KDM4B: variants seen among roughly 807,000 people sequenced by gnomAD.
KDM4B encodes lysine-specific demethylase 4B.
A neutral mutation model predicts 125.2 loss-of-function variants in KDM4B; 32 were observed. The observed-to-expected ratio is 0.26, with a 90% CI of 0.19 to 0.34. The LOEUF (loss-of-function observed/expected upper bound fraction) is 0.34, where lower values mean the gene tolerates loss of function less well. KDM4B is among the 10% of genes least tolerant of loss of function. The pLI is 1.00. For missense variants in KDM4B, 1,190 were observed against 1,577.7 expected, an observed-to-expected ratio of 0.75 and a Z score of 4.16; for synonymous variants, 721 against 677.9, an observed-to-expected ratio of 1.06 and a Z score of -0.99.
intron 9 of KDM4B, among the ~76,000 whole-genome samples, chr19:5,083,470 G>C (rs544901728): frequency 6.6e-6 from 1 of 152,328 alleles, no homozygotes; most frequent in Admixed American, 6.5e-5. Context: ...CACAGGTCTA[G>C]CCCTTTCCTG....
intron 9 of KDM4B, among the ~76,000 whole-genome samples, chr19:5,102,060 G>A (rs2038946992): frequency 6.6e-6 from 1 of 152,108 alleles, no homozygotes; most frequent in South Asian, 2.1e-4. Context: ...CCTCCGTTTT[G>A]AGCACCCCCA....
intron 7 of KDM4B, 92 bp downstream of exon 7, chr19:5,071,151 C>A: frequency 8.0e-7 from 1 of 1,248,818 alleles, no homozygotes; most frequent in Non-Finnish European, 1.1e-6. Flanking sequence ...CCGGGCTCTG[C>A]TGCGGTCTGG....
At chr19:5,013,261 G>T (rs929622713) in intron 1 of KDM4B, among the ~76,000 whole-genome samples, 7 of 152,220 alleles carry the variant, frequency 4.6e-5, no homozygotes, top group Admixed American at 4.6e-4. Context: ...TGTACAAAGA[G>T]ACAGTTACTT....
At chr19:4,984,467 G>A (rs2034758051) in intron 1 of KDM4B, among the ~76,000 whole-genome samples, 1 of 152,120 alleles carries the variant, frequency 6.6e-6, no homozygotes, top group African/African-American at 2.4e-5. Flanking sequence ...TGGGTTGGCC[G>A]GGGTTTTATG....
intron 1 of KDM4B, among the ~76,000 whole-genome samples, chr19:4,987,010 G>A (rs1260489519): frequency 3.3e-5 from 5 of 151,700 alleles, no homozygotes; most frequent in Non-Finnish European, 7.4e-5. Flanking sequence ...AGGCTGGAGC[G>A]TAGTGGCACA....
At chr19:5,061,498 G>C (rs766947371) in intron 6 of KDM4B, among the ~76,000 whole-genome samples, 39 of 152,176 alleles carry the variant, frequency 2.6e-4, no homozygotes, top group Non-Finnish European at 5.3e-4. Context: ...GCCACATAAA[G>C]GAGCCCCTGT....
chr19:5,063,067 A>G (rs1275332049), intron 6 of KDM4B, among the ~76,000 whole-genome samples: 1 of 151,968 alleles, frequency 6.6e-6, no homozygotes, highest in African/African-American at 2.4e-5. Flanking sequence ...GTGTGCTGTG[A>G]TGATGGGCAG....
chr19:5,040,524 C>T (rs1206405084), intron 4 of KDM4B, among the ~76,000 whole-genome samples: 1 of 152,202 alleles, frequency 6.6e-6, no homozygotes, highest in Non-Finnish European at 1.5e-5. Flanking sequence ...TACACAGGCA[C>T]ATCCATGTGG....
rs986755093 is a variant in KDM4B, at chr19:5,059,586, C to T, written c.627-11424C>T. Reference sequence around the variant, plus strand: ...GAGACTTAGGTCATAGGAACAGGAGCGCGTAGCCTCATGGCCATCGGCCTG... The same window carrying T: ...GAGACTTAGGTCATAGGAACAGGAGTGCGTAGCCTCATGGCCATCGGCCTG... On this transcript the variant is annotated intron_variant, in intron 6 of 22. Transcript: ENST00000159111. Among the ~76,000 whole-genome samples the T allele has an allele frequency of 9.8e-5, 15 of 152,332 alleles. No individual in the cohort carries two copies. In the East Asian group the frequency reaches 2.3e-3, roughly 24 times the overall value.
intron 9 of KDM4B, among the ~76,000 whole-genome samples, chr19:5,094,134 GC>G (rs1376777327): frequency 2.0e-5 from 3 of 152,180 alleles, no homozygotes; most frequent in Non-Finnish European, 4.4e-5. Flanking sequence ...TGGTCACGCG[GC>G]CCCTCCTCCC....
intron 21 of KDM4B, among the ~76,000 whole-genome samples, chr19:5,150,011 T>C (rs1412982385): frequency 6.6e-6 from 1 of 152,152 alleles, no homozygotes; most frequent in Non-Finnish European, 1.5e-5. Context: ...AGTGACTCTG[T>C]CACCTTGTCC....
intron 1 of KDM4B, among the ~76,000 whole-genome samples, chr19:4,981,953 C>G (rs1012641452): frequency 6.6e-6 from 1 of 152,194 alleles, no homozygotes; most frequent in East Asian, 1.9e-4. Context: ...GAAGCCAACC[C>G]CACATGTAGC....
chr19:5,119,296 T>C, intron 10 of KDM4B: 1 of 1,018,870 alleles, frequency 9.8e-7, no homozygotes, highest in South Asian at 1.4e-5. Flanking sequence ...TCACACTCCC[T>C]GTGTCTCTGT....
intron 6 of KDM4B, among the ~76,000 whole-genome samples, chr19:5,053,197 C>T (rs187415191): frequency 6.6e-6 from 1 of 152,254 alleles, no homozygotes; most frequent in South Asian, 2.1e-4. Context: ...GCTCCCTCCT[C>T]TCCTTGCCAC....
At chr19:5,072,740 C>G (rs777411645) in intron 7 of KDM4B, among the ~76,000 whole-genome samples, 1 of 152,246 alleles carries the variant, frequency 6.6e-6, no homozygotes, top group Non-Finnish European at 1.5e-5. Flanking sequence ...CGTTTATTCT[C>G]TCACCGTTCT....
intron 1 of KDM4B, among the ~76,000 whole-genome samples, chr19:4,995,283 A>G (rs2035162693): frequency 2.0e-5 from 3 of 151,652 alleles, no homozygotes; most frequent in Non-Finnish European, 4.4e-5. Context: ...ACAAGACTCC[A>G]AATCTGTGTC....
Position 5,104,060 on chromosome 19 carries a change from C to A in KDM4B, c.919-6562C>A, listed in dbSNP as rs1455662516. 2.6e-5 allele frequency among the ~76,000 whole-genome samples: 4 copies of A among 152,328 alleles called. No individual in the cohort carries two copies. In the South Asian group the frequency reaches 8.3e-4, roughly 32 times the overall value. On this transcript the variant is annotated intron_variant, in intron 9 of 22. Coordinates refer to ENST00000159111, the MANE Select transcript of KDM4B (RefSeq NM_015015.3). ...TGCAGTCTGGCCCTCCCCTTTTTATCTGGGAAAAAGTGTCCTGTGGCTGCT... is the reference window on the plus strand; with the variant it reads ...TGCAGTCTGGCCCTCCCCTTTTTATATGGGAAAAAGTGTCCTGTGGCTGCT...
intron 2 of KDM4B, among the ~76,000 whole-genome samples, chr19:5,029,563 A>C (rs529068467): frequency 6.6e-6 from 1 of 152,354 alleles, no homozygotes; most frequent in African/African-American, 2.4e-5. Flanking sequence ...ATGATGGCTC[A>C]TCCCTGTAAT....
chr19:4,988,055 A>G (rs2034900997), intron 1 of KDM4B, among the ~76,000 whole-genome samples: 1 of 152,194 alleles, frequency 6.6e-6, no homozygotes, highest in Non-Finnish European at 1.5e-5. Flanking sequence ...AGGCTGTCAG[A>G]GCAGTCACAG....
Sources: gnomAD v4.1 joint callset for allele counts (sites outside exome capture counted in the v4.1 genomes callset) on GRCh38, gnomAD v4.1.1 for gene constraint, MANE v1.5 for transcripts, NCBI Gene and HGNC (gene_info 2026-07-23, HGNC 2026-07-21) for gene names.